The following DYNC2H1 variants were observed in gnomAD, a reference collection of about 807,000 sequenced individuals.
DYNC2H1 encodes the protein dynein cytoplasmic 2 heavy chain 1.
A neutral mutation model predicts 570.0 loss-of-function variants in DYNC2H1; 410 were observed. The ratio of observed to expected loss-of-function variants is 0.72; its 90% confidence interval spans 0.66 to 0.78. The LOEUF (loss-of-function observed/expected upper bound fraction) is 0.78. DYNC2H1 is among the 30% of genes least tolerant of loss of function. The pLI, the probability that DYNC2H1 is intolerant of heterozygous loss-of-function variation, is 0.00. For missense variants in DYNC2H1, 4,865 were observed against 5,046.4 expected (o/e 0.96, Z 1.09); for synonymous variants, 1,688 against 1,677.6 (o/e 1.01, Z -0.15).
At chr11:103,187,909 A>G (rs1212515832) in intron 43 of DYNC2H1, among the ~76,000 whole-genome samples, 1 of 152,068 alleles carries the variant, frequency 6.6e-6, no homozygotes, top group Admixed American at 6.6e-5. Context: ...TTTTTGCTTC[A>G]TGTTTTAAAG....
intron 83 of DYNC2H1, among the ~76,000 whole-genome samples, chr11:103,391,887 T>C (rs1942168304): frequency 6.8e-6 from 1 of 147,330 alleles, no homozygotes; most frequent in Non-Finnish European, 1.5e-5. Context: ...CCCAGCCGTG[T>C]GAGGTGTCAT....
At chr11:103,309,356 C>CT (rs61629207) in intron 78 of DYNC2H1, among the ~76,000 whole-genome samples, 24,687 of 141,348 alleles carry the variant, frequency 0.17, 2,272 homozygotes, top group Admixed American at 0.26. Context: ...TATTTCTTTT[C>CT]TTTTTTTTTT....
intron 80 of DYNC2H1, among the ~76,000 whole-genome samples, chr11:103,320,121 G>T (rs1447429989): frequency 6.6e-6 from 1 of 152,166 alleles, no homozygotes; most frequent in Non-Finnish European, 1.5e-5. Flanking sequence ...TGTGATCTGA[G>T]ATTTAATTCT....
rs1043965440 is a variant in DYNC2H1, at chr11:103,151,189, C to A, written c.2947-947C>A. Among the ~76,000 whole-genome samples the A allele has an allele frequency of 6.6e-6, 1 of 152,060 alleles. No homozygotes were observed. The highest frequency in any genetic ancestry group is 6.6e-5 in the Admixed American group (1 of 15,254). ...TCATAGTTCACTGCAGCCTCAAACT[C>A]CTGGGCTCAAGCAGTGTTCCTGCTT... On this transcript the variant is annotated intron_variant, in intron 20 of 88. Coordinates refer to ENST00000375735, the MANE Select transcript of DYNC2H1 (RefSeq NM_001377.3). The surrounding 1 kb of genome is among the most constrained non-coding windows in gnomAD (Gnocchi z 4.6).
In DYNC2H1 at chr11:103,439,227, G is replaced by A. The variant is rs1279737366; in HGVS notation, c.12456+3195G>A. ...GGTCAGAGAAGTGCTGCCTAAGCTG[G>A]GAACTTAGTAGGAATAAACCAGATG... On this transcript the variant is annotated intron_variant, in intron 85 of 88. Coordinates refer to ENST00000375735, the MANE Select transcript of DYNC2H1 (RefSeq NM_001377.3). The surrounding 1 kb of genome is among the most constrained non-coding windows in gnomAD (Gnocchi z 4.1). Among the ~76,000 whole-genome samples the A allele has an allele frequency of 6.6e-6, 1 of 152,024 alleles. No individual in the cohort carries two copies. Among genetic ancestry groups the A allele is most frequent in the East Asian group, 1.9e-4 (1 of 5,178 alleles).
chr11:103,256,226 A>T lies in DYNC2H1; in HGVS notation c.10447A>T (p.Ile3483Phe). The T allele has an allele frequency of 6.2e-7, 1 of 1,600,254 alleles. No homozygotes were observed. The highest frequency in any genetic ancestry group is 8.5e-7 in the Non-Finnish European group (1 of 1,174,474). ...ACTTAAAGAATCTTACAAACTCCAA[A>T]TTTCCCTTGATCAAGTAATTATTTC... ...ESLKESYKLQ[I>F]SLDQERDAYL... The change falls in exon 68 of 89, where the codon ATT (isoleucine) becomes TTT (phenylalanine). Residue 3483 changes from isoleucine to phenylalanine, a missense_variant. Transcript: ENST00000375735. This position sits in a 1 kb window ranked among gnomAD's most constrained non-coding sequence, Gnocchi z 4.0.
intron 85 of DYNC2H1, among the ~76,000 whole-genome samples, chr11:103,454,097 C>T (rs1301699493): frequency 1.3e-5 from 2 of 151,330 alleles, no homozygotes; most frequent in Admixed American, 6.6e-5. Context: ...GCAAACACAG[C>T]TTTAGAGATT....
intron 59 of DYNC2H1, among the ~76,000 whole-genome samples, chr11:103,230,273 A>T (rs1863955301): frequency 6.6e-6 from 1 of 152,186 alleles, no homozygotes; most frequent in Admixed American, 6.6e-5. Flanking sequence ...CGTGAGTTTT[A>T]GAAGTCTGAC....
chr11:103,255,546 G>A lies in DYNC2H1; in HGVS notation c.10326+12G>A. On this transcript the variant is annotated intron_variant, in intron 67 of 88. Transcript: ENST00000375735. ...AATCTCTTCTAGAGGTAAAAGTCTA[G>A]CTATTTAGGTTACTTTTTTCGTATT... is the stretch of plus-strand genomic sequence containing the variant. The A allele has an allele frequency of 1.3e-6, 2 of 1,518,650 alleles. No individual in the cohort carries two copies. The highest frequency in any genetic ancestry group is 2.5e-5 in the East Asian group (1 of 39,752). The allele number at this position is 1,518,650 out of a possible 1,614,324, so 94.1% of individuals were successfully genotyped here. A position where few individuals can be genotyped will look rare whatever the true frequency, so the allele number is the denominator to read the frequency against.
intron 75 of DYNC2H1, among the ~76,000 whole-genome samples, chr11:103,295,332 AAG>A (rs1866775035): frequency 6.6e-6 from 1 of 152,150 alleles, no homozygotes; most frequent in Admixed American, 6.5e-5. Context: ...AAAAAGAAAT[AAG>A]CTTTCCTGTA....
rs530679179 is a variant in DYNC2H1 at position 103,417,268 on chromosome 11, C to T, written c.12366+17396C>T. On this transcript the variant is annotated intron_variant, in intron 84 of 88. Coordinates refer to ENST00000375735, the MANE Select transcript of DYNC2H1 (RefSeq NM_001377.3). ...CTAATTTTTATATTTTTAGTTGAGA[C>T]GGGGTTTCACCATGTTGGTCAGGGG... 5.5e-4 allele frequency among the ~76,000 whole-genome samples: 84 copies of T among 152,020 alleles called. 2 individuals carry two copies. In the South Asian group the frequency reaches 0.015, roughly 27 times the overall value.
intron 59 of DYNC2H1, among the ~76,000 whole-genome samples, chr11:103,229,038 C>T (rs1863903207): frequency 6.6e-6 from 1 of 152,154 alleles, no homozygotes; most frequent in Non-Finnish European, 1.5e-5. Flanking sequence ...GCACAGGCCT[C>T]ACCGGCCTCC....
At chr11:103,295,883 A>G (rs1237057940) in intron 75 of DYNC2H1, among the ~76,000 whole-genome samples, 3 of 152,112 alleles carry the variant, frequency 2.0e-5, no homozygotes, top group Non-Finnish European at 2.9e-5. Flanking sequence ...CAGTCTCAGG[A>G]TGTTAATCCA....
At chr11:103,340,612 AT>A (rs1939396892) in intron 82 of DYNC2H1, among the ~76,000 whole-genome samples, 1 of 152,200 alleles carries the variant, frequency 6.6e-6, no homozygotes, top group South Asian at 2.1e-4. Flanking sequence ...GTCACATTTT[AT>A]GGTAAATATT....
At chr11:103,200,867 G>A (rs186440640) in intron 50 of DYNC2H1, among the ~76,000 whole-genome samples, 2 of 152,102 alleles carry the variant, frequency 1.3e-5, no homozygotes, top group East Asian at 1.9e-4. Flanking sequence ...TTGCTCTGTC[G>A]CCAGGCTGGA....
intron 18 of DYNC2H1, 150 bp downstream of exon 18, chr11:103,143,545 C>G: frequency 1.3e-6 from 1 of 749,150 alleles, no homozygotes; most frequent in African/African-American, 1.8e-5. Flanking sequence ...CTAGGTAGGG[C>G]ATTACAGATA....
At position 103,335,516 on chromosome 11, in the gene DYNC2H1, T is replaced by C. The variant is rs112810791; in HGVS notation, c.12039+11526T>C. On this transcript the variant is annotated intron_variant, in intron 82 of 88. Coordinates refer to ENST00000375735, the MANE Select transcript of DYNC2H1 (RefSeq NM_001377.3). ...GAGATTAGCAGAGAGGAGAAAAATA[T>C]GCTTTTGAGAATTGTTTTTTTAAAT... is the stretch of plus-strand genomic sequence containing the variant. 5.6e-3 allele frequency among the ~76,000 whole-genome samples: 857 copies of C among 152,118 alleles called. 7 individuals are homozygous for C. The highest frequency in any genetic ancestry group is 7.1e-3 in the Non-Finnish European group (485 of 67,922).
intron 83 of DYNC2H1, among the ~76,000 whole-genome samples, chr11:103,376,680 T>C (rs537721928): frequency 6.6e-6 from 1 of 152,352 alleles, no homozygotes; most frequent in East Asian, 1.9e-4. Flanking sequence ...TTTTTCACCA[T>C]TTTGACTTTA....
Position 103,185,205 on chromosome 11 carries a change from A to G in DYNC2H1, c.6633+154A>G, listed in dbSNP as rs1852728076. Reference sequence around the variant, plus strand: ...AGTAATAATGTATTTATGTATGTGTATTTATATTTTCTCCTTTGAGTTATT... The same window carrying G: ...AGTAATAATGTATTTATGTATGTGTGTTTATATTTTCTCCTTTGAGTTATT... On this transcript the variant is annotated intron_variant, in intron 41 of 88. Transcript: ENST00000375735. This position sits in a 1 kb window ranked among gnomAD's most constrained non-coding sequence, Gnocchi z 4.5. 6.6e-6 allele frequency among the ~76,000 whole-genome samples: 1 copy of G among 151,808 alleles called. No individual in the cohort carries two copies. Among genetic ancestry groups the G allele is most frequent in the Non-Finnish European group, 1.5e-5 (1 of 67,870 alleles).
Sources: allele counts gnomAD v4.1 joint callset (sites outside exome capture counted in the v4.1 genomes callset), GRCh38; gene constraint gnomAD v4.1.1; non-coding constraint Gnocchi (gnomAD v3.1); transcripts MANE v1.5; gene names NCBI Gene and HGNC (gene_info 2026-07-23, HGNC 2026-07-21).